BMPER: variants seen among roughly 807,000 people sequenced by gnomAD.
BMPER encodes the protein BMP binding endothelial regulator.
A neutral mutation model predicts 87.3 loss-of-function variants in BMPER; 45 were observed. That is an observed-to-expected ratio of 0.52 (90% confidence interval 0.41 to 0.66). The LOEUF (loss-of-function observed/expected upper bound fraction) is 0.66. Among genes scored for constraint, BMPER ranks in the 30% least tolerant of loss-of-function variants. The pLI is 0.00. For missense variants in BMPER, 784 were observed against 867.5 expected (o/e 0.90, Z 1.21); for synonymous variants, 326 against 316.2 (o/e 1.03, Z -0.33).
At chr7:33,992,651 C>A (rs948512337) in intron 6 of BMPER, among the ~76,000 whole-genome samples, 3 of 147,786 alleles carry the variant, frequency 2.0e-5, no homozygotes, top group Non-Finnish European at 4.5e-5. Context: ...TGAATTTGAT[C>A]CTGTCATTAT....
chr7:33,942,877 G>A (rs1239770404), intron 3 of BMPER, among the ~76,000 whole-genome samples: 7 of 152,204 alleles, frequency 4.6e-5, no homozygotes, highest in African/African-American at 1.7e-4. Context: ...TCACTCTGAT[G>A]TTGAAGTGCT....
chr7:34,047,841 T>TCCCCTCCCTCCC (rs1359199300), intron 7 of BMPER, among the ~76,000 whole-genome samples: 1 of 146,252 alleles, frequency 6.8e-6, no homozygotes. Context: ...CTTGCTTTCT[T>TCCCCTCCCTCCC]TCTCTTTCTA....
intron 13 of BMPER, among the ~76,000 whole-genome samples, chr7:34,113,298 T>C (rs554829396): frequency 8.0e-4 from 122 of 152,132 alleles, no homozygotes; most frequent in Non-Finnish European, 1.5e-3. Context: ...TTTGTTTCTC[T>C]GATTATAGTA....
intron 6 of BMPER, among the ~76,000 whole-genome samples, chr7:34,011,583 CAAAAAAAAAAAAAAA>C (rs36022297): frequency 2.2e-5 from 1 of 45,760 alleles, no homozygotes. Context: ...TTGGTCAGGG[CAAAAAAAAAAAAAAA>C]AAAAAAGAAA....
intron 3 of BMPER, among the ~76,000 whole-genome samples, chr7:33,958,331 T>C (rs1785194624): frequency 6.6e-6 from 1 of 152,184 alleles, no homozygotes. Flanking sequence ...CCCTTAGATG[T>C]TTGAAGTTGA....
intron 6 of BMPER, among the ~76,000 whole-genome samples, chr7:33,996,926 G>C (rs901344315): frequency 6.6e-6 from 1 of 152,060 alleles, no homozygotes. Context: ...TCTTATTTCA[G>C]GCTAACCACA....
chr7:34,079,476 T>TA (rs1016030106), intron 12 of BMPER, among the ~76,000 whole-genome samples: 1 of 152,164 alleles, frequency 6.6e-6, no homozygotes, highest in Admixed American at 6.5e-5. Flanking sequence ...ATCCTCTGTC[T>TA]AAAAATAGCA....
intron 13 of BMPER, among the ~76,000 whole-genome samples, chr7:34,142,881 C>T (rs1790909787): frequency 6.6e-6 from 1 of 152,190 alleles, no homozygotes; most frequent in African/African-American, 2.4e-5. Context: ...AAAATAAAAG[C>T]AAATTAGAAA....
At chr7:33,966,745 A>G (rs1785416621) in intron 4 of BMPER, among the ~76,000 whole-genome samples, 184 bp downstream of exon 4, 1 of 152,192 alleles carries the variant, frequency 6.6e-6, no homozygotes, top group Non-Finnish European at 1.5e-5. Context: ...TGCAGCATAG[A>G]TATTGTGTAG....
intron 2 of BMPER, among the ~76,000 whole-genome samples, chr7:33,934,917 G>A (rs902870982): frequency 1.1e-4 from 16 of 152,302 alleles, no homozygotes; most frequent in African/African-American, 3.8e-4. Context: ...TTCTCTTGGG[G>A]TGGGAGAGTC....
chr7:33,941,491 C>G (rs1383169393), intron 3 of BMPER, among the ~76,000 whole-genome samples: 1 of 151,974 alleles, frequency 6.6e-6, no homozygotes, highest in African/African-American at 2.4e-5. Context: ...ATATATAACT[C>G]ACCATAATGT....
Position 34,058,305 on chromosome 7 carries a change from A to G in BMPER, c.1032+142A>G, listed in dbSNP as rs776377431. 18 of 790,704 alleles carry G rather than the reference A, an allele frequency of 2.3e-5. 1 individual carries two copies. Among genetic ancestry groups the G allele is most frequent in the South Asian group, 2.2e-4 (15 of 67,560 alleles). 49.0% of individuals were successfully genotyped at this position (790,704 alleles called of 1,614,324 possible). A position where few individuals can be genotyped will look rare whatever the true frequency, so the allele number is the denominator to read the frequency against. Reference sequence around the variant, plus strand: ...CCTGACTAGTCAAATGCCTCTTGCAAAGTTTGCTCATTCTTCTTGCAGATT... The same window carrying G: ...CCTGACTAGTCAAATGCCTCTTGCAGAGTTTGCTCATTCTTCTTGCAGATT... On this transcript the variant is annotated intron_variant, in intron 10 of 14. Transcript: ENST00000649409.
At chr7:34,018,855 G>C (rs185627508) in intron 6 of BMPER, among the ~76,000 whole-genome samples, 61 of 152,122 alleles carry the variant, frequency 4.0e-4, no homozygotes, top group African/African-American at 1.4e-3. Flanking sequence ...AAGAAAAAAA[G>C]TGTGGTTTAT....
intron 3 of BMPER, among the ~76,000 whole-genome samples, chr7:33,966,062 C>G (rs1274340634): frequency 6.6e-6 from 1 of 152,112 alleles, no homozygotes; most frequent in East Asian, 1.9e-4. Flanking sequence ...TAATTTTCTG[C>G]TTTTATTTTC....
intron 6 of BMPER, among the ~76,000 whole-genome samples, chr7:34,000,356 GA>G (rs201420756): frequency 4.4e-4 from 67 of 151,670 alleles, no homozygotes; most frequent in Admixed American, 1.2e-3. Context: ...ATCTTGGATT[GA>G]AAAAAAATAC....
At chr7:34,025,799 T>G (rs911717755) in intron 6 of BMPER, among the ~76,000 whole-genome samples, 6 of 152,082 alleles carry the variant, frequency 3.9e-5, no homozygotes, top group African/African-American at 1.2e-4. Context: ...GTTCTTGTGC[T>G]GCATTCCTAA....
chr7:34,072,655 A>G lies in BMPER; in HGVS notation c.1079-6202A>G, dbSNP rs376518860. Among the ~76,000 whole-genome samples, 16 of 152,104 alleles carry G rather than the reference A, an allele frequency of 1.1e-4. No individual in the cohort carries two copies. The East Asian group carries it at 3.1e-3, about 29-fold the overall frequency. On this transcript the variant is annotated intron_variant, in intron 11 of 14. Coordinates refer to ENST00000649409, the MANE Select transcript of BMPER (RefSeq NM_001365308.1). The stretch of plus-strand genomic sequence containing the variant: ...CCAGCTGATTAGCAACCTTAATTCC[A>G]TTTGCAAACTTAATTCCCTCTTGCC...
chr7:34,045,196 C>CTGAT (rs1290123330), intron 6 of BMPER, among the ~76,000 whole-genome samples: 2 of 152,188 alleles, frequency 1.3e-5, no homozygotes, highest in Non-Finnish European at 2.9e-5. Context: ...ACCAAATTCA[C>CTGAT]TGATTTTCTT....
chr7:34,096,005 T>C (rs2127980954), intron 13 of BMPER, among the ~76,000 whole-genome samples: 1 of 152,282 alleles, frequency 6.6e-6, no homozygotes, highest in Admixed American at 6.5e-5. Context: ...GTTTCCCTTG[T>C]AAATCCCAGA....
Sources: allele counts gnomAD v4.1 joint callset (sites outside exome capture counted in the v4.1 genomes callset), GRCh38; gene constraint gnomAD v4.1.1; transcripts MANE v1.5; gene names NCBI Gene and HGNC (gene_info 2026-07-23, HGNC 2026-07-21).